Variants in ASNS observed in about 807,000 individuals in gnomAD.
ASNS encodes the protein asparagine synthetase [glutamine-hydrolyzing].
ASNS carries 37 observed loss-of-function variants against 62.6 expected under a neutral mutation model. The observed-to-expected ratio is 0.59, with a 90% CI of 0.45 to 0.78. The LOEUF (loss-of-function observed/expected upper bound fraction) is 0.78, where lower values mean the gene tolerates loss of function less well. Ranked by LOEUF, ASNS falls within the 30% of genes least tolerant of loss-of-function variation. The pLI is 0.00. For missense variants in ASNS, 520 were observed against 682.4 expected (o/e 0.76, Z 2.65); for synonymous variants, 207 against 237.9 (o/e 0.87, Z 1.19).
At chr7:97,876,568 C>G (rs551001815), upstream of ASNS, among the ~76,000 whole-genome samples, 232 of 151,620 alleles carry the variant, frequency 1.5e-3, no homozygotes, top group African/African-American at 5.4e-3. Flanking sequence ...GCTGGGATTA[C>G]AGGTGCCTGC....
the ASNS span, among the ~76,000 whole-genome samples, chr7:97,927,858 C>G: frequency 6.6e-6 from 1 of 152,292 alleles, no homozygotes; most frequent in African/African-American, 2.4e-5. Context: ...CATGAGCAAG[C>G]CTCCCAGACA....
the ASNS span, among the ~76,000 whole-genome samples, chr7:97,917,725 A>T: frequency 2.6e-5 from 4 of 152,114 alleles, no homozygotes; most frequent in Non-Finnish European, 5.9e-5. Flanking sequence ...CTCTATAAAC[A>T]CAGCAGGTAC....
chr7:97,870,758 T>C (rs1183332809), intron 1 of ASNS, among the ~76,000 whole-genome samples: 1 of 152,214 alleles, frequency 6.6e-6, no homozygotes, highest in Admixed American at 6.6e-5. Context: ...AAATCAAGTA[T>C]GGTCATCAGG....
chr7:97,868,096 T>C (rs1316229869), intron 3 of ASNS, among the ~76,000 whole-genome samples: 1 of 152,150 alleles, frequency 6.6e-6, no homozygotes, highest in African/African-American at 2.4e-5. Flanking sequence ...TTACCTGAGC[T>C]CAGGAGTTCC....
chr7:97,894,480 C>CAAAAAAAAAAAAAAAAA, the ASNS span, among the ~76,000 whole-genome samples: 3 of 36,548 alleles, frequency 8.2e-5, no homozygotes, highest in South Asian at 1.7e-3. Context: ...TGAGGCTAAC[C>CAAAAAAAAAAAAAAAAA]AAAAAAAAAA....
the ASNS span, among the ~76,000 whole-genome samples, chr7:97,899,358 AG>A: frequency 6.6e-6 from 1 of 152,154 alleles, no homozygotes; most frequent in African/African-American, 2.4e-5. Flanking sequence ...CCTGGCCTCA[AG>A]AAATCCTCCC....
intron 3 of ASNS, 43 bp from the exon 4 acceptor site, chr7:97,864,539 C>T (rs773030998): frequency 7.5e-6 from 10 of 1,338,670 alleles, no homozygotes; most frequent in Non-Finnish European, 1.1e-5. Context: ...ACTCCTTGTA[C>T]ATTCACTAAT....
At chr7:97,887,782 C>T in the ASNS span, among the ~76,000 whole-genome samples, 1 of 152,198 alleles carries the variant, frequency 6.6e-6, no homozygotes. Context: ...CATTTTGTGA[C>T]AACAACTAAC....
rs772838001 is a variant in ASNS at position 97,868,945 on chromosome 7, C to G, written c.212G>C (p.Trp71Ser). ...PIRVKKYPYLWLCYNGEIYNH... is the reference protein window; with the variant it reads ...PIRVKKYPYLSLCYNGEIYNH... ...GTAGATTTCACCATTGTAACAGAGC[C>G]ACAAATACGGATATTTCTTCACTCG... The change falls in exon 3 of 13, where the codon TGG (tryptophan) becomes TCG (serine). Residue 71 changes from tryptophan to serine, a missense_variant. Transcript: ENST00000394308. The G allele has an allele frequency of 4.3e-6, 7 of 1,614,196 alleles. No homozygotes were observed. The highest frequency in any genetic ancestry group is 5.9e-6 in the Non-Finnish European group (7 of 1,180,044).
rs749406391 is a variant in ASNS at position 97,854,605 on chromosome 7, C to T, written c.1213G>A (p.Ala405Thr). 6 of 1,613,962 alleles carry T rather than the reference C, an allele frequency of 3.7e-6. No homozygotes were observed. In the African/African-American group the frequency reaches 4.0e-5, roughly 11 times the overall value. ...CCATGGGCAGCAGTAGTTCGATCTG[C>T]GCGGAGAACATCAAACAAATAGAGT... The part of the protein sequence containing the change: ...RELYLFDVLR[A>T]DRTTAAHGLE... Residue 405 changes from alanine (A) to threonine (T), a missense_variant, in exon 10 of 13, where the codon GCA becomes ACA. Coordinates refer to ENST00000394308, the MANE Select transcript of ASNS (RefSeq NM_001673.5).
rs1483529281 is a variant in ASNS at position 97,852,541 on chromosome 7, G to GA, written c.1477-74dup. ...ATACTTGTGTTTAGTCTCATTTCAC[G>GA]AAACAGAAAATGTTAAGACGTGACT... On this transcript the variant is annotated intron_variant, in intron 12 of 12. Coordinates refer to ENST00000394308, the MANE Select transcript of ASNS (RefSeq NM_001673.5). The GA allele has an allele frequency of 7.8e-6, 11 of 1,419,084 alleles. No individual in the cohort carries two copies. In the East Asian group the frequency reaches 2.5e-4, roughly 32 times the overall value. The allele number at this position is 1,419,084 out of a possible 1,614,324, so 87.9% of individuals were successfully genotyped here. A position where few individuals can be genotyped will look rare whatever the true frequency, so the allele number is the denominator to read the frequency against.
At chr7:97,906,822 T>A in the ASNS span, 7 of 152,040 alleles carry the variant, frequency 4.6e-5, no homozygotes, top group African/African-American at 1.7e-4. Context: ...GGACAGCCAA[T>A]GATATAGTTC....
chr7:97,902,334 G>A, the ASNS span, among the ~76,000 whole-genome samples: 16 of 152,144 alleles, frequency 1.1e-4, no homozygotes, highest in African/African-American at 2.6e-4. Context: ...CTCCTATTAC[G>A]ACCAATTTTT....
the ASNS span, among the ~76,000 whole-genome samples, chr7:97,927,326 G>A: frequency 0.042 from 6,324 of 152,144 alleles, 277 homozygotes; most frequent in African/African-American, 0.11. Context: ...TACACTATGT[G>A]CCAGGCACAA....
chr7:97,853,488 A>T, intron 10 of ASNS, 102 bp from the exon 11 acceptor site: 1 of 975,530 alleles, frequency 1.0e-6, no homozygotes, highest in Non-Finnish European at 1.6e-6. Context: ...GATCTTAAGA[A>T]ATGTTAAGGT....
chr7:97,880,123 T>C, the ASNS span, among the ~76,000 whole-genome samples: 93 of 121,120 alleles, frequency 7.7e-4, no homozygotes, highest in African/African-American at 3.0e-3. Context: ...AAAGGAAGGA[T>C]CATCTCTGTC....
the ASNS span, chr7:97,906,901 A>G: frequency 6.6e-6 from 1 of 152,084 alleles, no homozygotes; most frequent in African/African-American, 2.4e-5. Context: ...AGGTAAAAAG[A>G]GCAAATTCTC....
intron 4 of ASNS, among the ~76,000 whole-genome samples, chr7:97,860,481 C>A (rs1157021115): frequency 6.6e-6 from 1 of 152,196 alleles, no homozygotes; most frequent in East Asian, 1.9e-4. Context: ...GCAGTCCTGG[C>A]AACTGACATA....
chr7:97,905,907 A>G, the ASNS span, among the ~76,000 whole-genome samples: 2 of 152,178 alleles, frequency 1.3e-5, no homozygotes, highest in Admixed American at 1.3e-4. Context: ...CCCTCAAGTC[A>G]TTACCCTCCC....
Sources: gnomAD v4.1 joint callset for allele counts (sites outside exome capture counted in the v4.1 genomes callset) on GRCh38, gnomAD v4.1.1 for gene constraint, MANE v1.5 for transcripts, NCBI Gene and HGNC (gene_info 2026-07-23, HGNC 2026-07-21) for gene names.